MICU3: variants seen among roughly 807,000 people sequenced by gnomAD.
MICU3 encodes calcium uptake protein 3, mitochondrial.
MICU3 carries 62 observed loss-of-function variants against 66.5 expected under a neutral mutation model. The ratio of observed to expected loss-of-function variants is 0.93; its 90% confidence interval spans 0.76 to 1.15. MICU3 has a LOEUF of 1.15. Among genes scored for constraint, MICU3 ranks in the 50% most tolerant of loss-of-function variants. MICU3 has a pLI of 0.00. For synonymous variants in MICU3, 308 were observed against 240.7 expected, an observed-to-expected ratio of 1.28 and a Z score of -2.59; for missense variants, 779 against 664.4, an observed-to-expected ratio of 1.17 and a Z score of -1.90.
intron 8 of MICU3, among the ~76,000 whole-genome samples, chr8:17,094,891 A>T (rs900293445): frequency 3.3e-5 from 5 of 151,934 alleles, no homozygotes; most frequent in African/African-American, 1.2e-4. Context: ...ATGCCTCTTA[A>T]TTTCTCCTTA....
chr8:17,035,287 A>AG (rs777626845), intron 1 of MICU3, among the ~76,000 whole-genome samples: 2 of 152,302 alleles, frequency 1.3e-5, no homozygotes, highest in South Asian at 4.1e-4. Flanking sequence ...ATACTGGTAG[A>AG]GGGGGGTGCT....
At chr8:17,117,378 A>T (rs751013485) in intron 13 of MICU3, among the ~76,000 whole-genome samples, 1 of 152,270 alleles carries the variant, frequency 6.6e-6, no homozygotes, top group South Asian at 2.1e-4. Context: ...TAAGTTAAAA[A>T]TTTTTTTATC....
At chr8:17,038,931 C>A (rs1460643975) in intron 1 of MICU3, among the ~76,000 whole-genome samples, 1 of 146,012 alleles carries the variant, frequency 6.8e-6, no homozygotes, top group African/African-American at 2.6e-5. Flanking sequence ...CCAGCCTGGG[C>A]GACAGAGCGA....
intron 1 of MICU3, among the ~76,000 whole-genome samples, chr8:17,063,099 C>T (rs369779819): frequency 4.6e-5 from 7 of 152,052 alleles, no homozygotes; most frequent in African/African-American, 1.7e-4. Context: ...AAAATGGCCC[C>T]GAAGTTTTAG....
chr8:17,097,332 A>G (rs1800818334), intron 8 of MICU3, among the ~76,000 whole-genome samples: 1 of 151,768 alleles, frequency 6.6e-6, no homozygotes, highest in Non-Finnish European at 1.5e-5. Flanking sequence ...AGCTTATATT[A>G]TTATAAAGGG....
At chr8:17,031,516 T>C (rs1027680136) in intron 1 of MICU3, among the ~76,000 whole-genome samples, 2 of 151,900 alleles carry the variant, frequency 1.3e-5, no homozygotes, top group Non-Finnish European at 2.9e-5. Flanking sequence ...CTCAAACTCC[T>C]GACCTCAAGT....
At chr8:17,108,176 G>T (rs1801897680) in intron 11 of MICU3, among the ~76,000 whole-genome samples, 1 of 152,114 alleles carries the variant, frequency 6.6e-6, no homozygotes, top group African/African-American at 2.4e-5. Flanking sequence ...TGAATTTAGG[G>T]TTAGGAGGGA....
chr8:17,082,923 T>C (rs572442574), intron 5 of MICU3, among the ~76,000 whole-genome samples: 1 of 152,274 alleles, frequency 6.6e-6, no homozygotes, highest in Admixed American at 6.5e-5. Flanking sequence ...TTTTTTCTCT[T>C]GGACTTGTCA....
At chr8:17,089,164 A>G (rs1433111379) in intron 7 of MICU3, among the ~76,000 whole-genome samples, 1 of 152,046 alleles carries the variant, frequency 6.6e-6, no homozygotes, top group South Asian at 2.1e-4. Context: ...TGTAACTTAA[A>G]TAGCGCTTCT....
chr8:17,035,709 A>C (rs181584646), intron 1 of MICU3, among the ~76,000 whole-genome samples: 1 of 152,330 alleles, frequency 6.6e-6, no homozygotes, highest in Non-Finnish European at 1.5e-5. Flanking sequence ...TGTATTCACA[A>C]AGATATGGTT....
intron 11 of MICU3, among the ~76,000 whole-genome samples, chr8:17,109,099 A>T (rs905404736): frequency 1.3e-5 from 2 of 152,122 alleles, no homozygotes; most frequent in Non-Finnish European, 2.9e-5. Flanking sequence ...TATATAACCT[A>T]TTATATAAAT....
In MICU3 at chr8:17,081,678, C is replaced by G. The variant is rs566631943; in HGVS notation, c.647-15C>G. On this transcript the variant is annotated splice_polypyrimidine_tract_variant and intron_variant, in intron 4 of 14. Coordinates refer to ENST00000318063, the MANE Select transcript of MICU3 (RefSeq NM_181723.3). ...CAATATTTTATATATATAACTGATACTATTTTTCTTGTAGGTGTGATTTCT... is the reference window on the plus strand; with the variant it reads ...CAATATTTTATATATATAACTGATAGTATTTTTCTTGTAGGTGTGATTTCT... 37 of 797,550 alleles carry G rather than the reference C, an allele frequency of 4.6e-5. No homozygotes were observed. The South Asian group carries it at 6.3e-4, about 14-fold the overall frequency. 49.4% of individuals were successfully genotyped at this position (797,550 alleles called of 1,614,324 possible).
At chr8:17,072,601 A>T (rs1819760149) in intron 3 of MICU3, among the ~76,000 whole-genome samples, 1 of 152,180 alleles carries the variant, frequency 6.6e-6, no homozygotes, top group Non-Finnish European at 1.5e-5. Context: ...CATGCAACAT[A>T]TCAACAGAAG....
At chr8:17,118,819 G>T in intron 14 of MICU3, 44 bp downstream of exon 14, 1 of 1,116,890 alleles carries the variant, frequency 9.0e-7, no homozygotes, top group Admixed American at 1.8e-5. Flanking sequence ...GTAACAATAG[G>T]GATCATAATT....
At position 17,110,927 on chromosome 8, in the gene MICU3, T is replaced by A. The variant is rs562762065; in HGVS notation, c.1258-3166T>A. On this transcript the variant is annotated intron_variant, in intron 11 of 14. Transcript: ENST00000318063. Reference sequence around the variant, plus strand: ...CATTGTAGTATGTATCAGTATTTCATTCTTTGCTATGGCTGAATAATAATA... The same window carrying A: ...CATTGTAGTATGTATCAGTATTTCAATCTTTGCTATGGCTGAATAATAATA... Among the ~76,000 whole-genome samples, 9 of 152,330 alleles carry A rather than the reference T, an allele frequency of 5.9e-5. No homozygotes were observed. In the South Asian group the frequency reaches 1.4e-3, roughly 25 times the overall value.
At chr8:17,079,998 T>G (rs1283551281) in intron 4 of MICU3, among the ~76,000 whole-genome samples, 2 of 152,132 alleles carry the variant, frequency 1.3e-5, no homozygotes, top group Admixed American at 1.3e-4. Context: ...AAAATTTGTT[T>G]TGATTGAATT....
chr8:17,128,450 G>T, the MICU3 span, among the ~76,000 whole-genome samples: 1 of 152,114 alleles, frequency 6.6e-6, no homozygotes, highest in Non-Finnish European at 1.5e-5. Flanking sequence ...CAGAATACAG[G>T]CTATATGTGA....
At chr8:17,123,970 C>T (rs747747230), downstream of MICU3, among the ~76,000 whole-genome samples, 2 of 147,284 alleles carry the variant, frequency 1.4e-5, no homozygotes, top group Non-Finnish European at 1.5e-5. Context: ...AAAAAACCAC[C>T]ATCCCTCTGT....
intron 1 of MICU3, among the ~76,000 whole-genome samples, chr8:17,036,221 G>C (rs1291932391): frequency 6.6e-6 from 1 of 152,096 alleles, no homozygotes; most frequent in Non-Finnish European, 1.5e-5. Context: ...AGCGTGTCTG[G>C]AGTTGTTCAT....
Sources: gnomAD v4.1 joint callset for allele counts (sites outside exome capture counted in the v4.1 genomes callset) on GRCh38, gnomAD v4.1.1 for gene constraint, MANE v1.5 for transcripts, NCBI Gene and HGNC (gene_info 2026-07-23, HGNC 2026-07-21) for gene names.